Variants in TMEFF2 observed in about 807,000 individuals in gnomAD.
TMEFF2 encodes tomoregulin-2.
In TMEFF2, 28 loss-of-function variants were observed where a neutral mutation model predicts 53.8. The ratio of observed to expected loss-of-function variants is 0.52; its 90% CI spans 0.39 to 0.71. TMEFF2 has a LOEUF of 0.71. TMEFF2 is among the 30% of genes least tolerant of loss of function. The pLI is 0.00. For missense variants in TMEFF2, 353 were observed against 455.2 expected (o/e 0.78, Z 2.04); for synonymous variants, 162 against 166.3 (o/e 0.97, Z 0.20).
intron 7 of TMEFF2, among the ~76,000 whole-genome samples, chr2:191,978,853 C>T (rs1447729625): frequency 5.9e-5 from 9 of 152,056 alleles, no homozygotes; most frequent in Admixed American, 1.3e-4. Context: ...TGGTGAATTC[C>T]GTAGCCTCAA....
intron 7 of TMEFF2, among the ~76,000 whole-genome samples, chr2:191,984,462 A>G (rs1685929349): frequency 6.6e-6 from 1 of 152,120 alleles, no homozygotes; most frequent in South Asian, 2.1e-4. Context: ...AGAAAAGTTT[A>G]TGTTTCTATT....
At chr2:192,038,380 G>A (rs1687384340) in intron 5 of TMEFF2, among the ~76,000 whole-genome samples, 1 of 152,094 alleles carries the variant, frequency 6.6e-6, no homozygotes, top group Admixed American at 6.6e-5. Flanking sequence ...ATGAGTTAAG[G>A]AATGCAAAGT....
rs563083713 is a variant in TMEFF2, at chr2:192,061,296, A to G, written c.440-3521T>C. Reference sequence around the variant, plus strand: ...GACATTCAGTGAAATGAAGTCATCCATCAATATCTGCTGGTTCCCCATTCA... The same window carrying G: ...GACATTCAGTGAAATGAAGTCATCCGTCAATATCTGCTGGTTCCCCATTCA... On this transcript the variant is annotated intron_variant, in intron 4 of 9. Coordinates refer to ENST00000272771, the MANE Select transcript of TMEFF2 (RefSeq NM_016192.4). Among the ~76,000 whole-genome samples, 5 of 152,326 alleles carry G rather than the reference A, an allele frequency of 3.3e-5. No homozygotes were observed. The South Asian group carries it at 1.0e-3, about 32-fold the overall frequency.
At chr2:192,081,883 C>T (rs547684327) in intron 4 of TMEFF2, among the ~76,000 whole-genome samples, 2 of 149,136 alleles carry the variant, frequency 1.3e-5, no homozygotes, top group African/African-American at 5.0e-5. Context: ...CTCCTGCAAG[C>T]GCCACCTCCC....
At chr2:192,027,296 C>T (rs1686993546) in intron 5 of TMEFF2, among the ~76,000 whole-genome samples, 1 of 152,126 alleles carries the variant, frequency 6.6e-6, no homozygotes, top group Admixed American at 6.5e-5. Flanking sequence ...ATCAAAGTTC[C>T]ACTGCATCAT....
intron 4 of TMEFF2, among the ~76,000 whole-genome samples, chr2:192,144,968 TA>T (rs1690215382): frequency 6.6e-6 from 1 of 151,994 alleles, no homozygotes; most frequent in Admixed American, 6.6e-5. Flanking sequence ...GATTTTTGAG[TA>T]AACATTATTT....
intron 4 of TMEFF2, among the ~76,000 whole-genome samples, chr2:192,090,890 C>G (rs1422242556): frequency 6.6e-6 from 1 of 152,076 alleles, no homozygotes; most frequent in African/African-American, 2.4e-5. Flanking sequence ...ATTGCTCTGA[C>G]AAGAAGTTAT....
chr2:192,033,472 A>G (rs1031034352), intron 5 of TMEFF2, among the ~76,000 whole-genome samples: 2 of 151,962 alleles, frequency 1.3e-5, no homozygotes, highest in African/African-American at 4.8e-5. Flanking sequence ...TGATTTTAGC[A>G]GCTCAGCTCT....
At chr2:192,112,701 C>T (rs1008736025) in intron 4 of TMEFF2, among the ~76,000 whole-genome samples, 8 of 152,024 alleles carry the variant, frequency 5.3e-5, no homozygotes, top group Non-Finnish European at 7.4e-5. Flanking sequence ...ATGTCCTCAC[C>T]GAAATCTCAT....
intron 5 of TMEFF2, among the ~76,000 whole-genome samples, chr2:192,012,930 G>C (rs986249571): frequency 6.6e-6 from 1 of 152,072 alleles, no homozygotes; most frequent in African/African-American, 2.4e-5. Context: ...TCCACAATTA[G>C]GATACTAAGA....
At chr2:192,054,350 G>C (rs1356775474) in intron 5 of TMEFF2, among the ~76,000 whole-genome samples, 2 of 152,066 alleles carry the variant, frequency 1.3e-5, no homozygotes, top group Non-Finnish European at 2.9e-5. Context: ...TCCTGTTTCA[G>C]TTCTTGACGA....
intron 4 of TMEFF2, among the ~76,000 whole-genome samples, chr2:192,148,741 C>T (rs1472693350): frequency 6.6e-6 from 1 of 152,010 alleles, no homozygotes; most frequent in Non-Finnish European, 1.5e-5. Context: ...GTGCAGGTTA[C>T]ACAAAGCATC....
intron 5 of TMEFF2, chr2:192,035,986 T>C (rs1687282611): frequency 6.6e-6 from 1 of 152,206 alleles, no homozygotes. Context: ...CTCTCCCCCA[T>C]GAACTCGATG....
intron 4 of TMEFF2, among the ~76,000 whole-genome samples, chr2:192,167,581 C>T (rs1473790529): frequency 6.6e-6 from 1 of 152,090 alleles, no homozygotes; most frequent in Non-Finnish European, 1.5e-5. Context: ...CTTTTCTCTT[C>T]ACTAGTTTGT....
At chr2:192,076,238 C>T (rs937875547) in intron 4 of TMEFF2, among the ~76,000 whole-genome samples, 6 of 151,950 alleles carry the variant, frequency 3.9e-5, no homozygotes, top group Non-Finnish European at 8.8e-5. Flanking sequence ...ATCTATTGCT[C>T]TGTTATATTT....
At chr2:191,968,382 G>A (rs1692528262) in intron 7 of TMEFF2, among the ~76,000 whole-genome samples, 1 of 152,204 alleles carries the variant, frequency 6.6e-6, no homozygotes, top group African/African-American at 2.4e-5. Context: ...TTGTGTCACT[G>A]TGGCAACTGA....
intron 4 of TMEFF2, among the ~76,000 whole-genome samples, chr2:192,075,316 TATATATATATATATATAC>T (rs1688401795): frequency 8.3e-6 from 1 of 120,572 alleles, no homozygotes; most frequent in Non-Finnish European, 1.7e-5. Flanking sequence ...TATATATATA[TATATATATATATATATAC>T]ATACATACTA....
chr2:192,108,001 A>G (rs1002725211), intron 4 of TMEFF2, among the ~76,000 whole-genome samples: 3 of 151,768 alleles, frequency 2.0e-5, no homozygotes, highest in Non-Finnish European at 4.4e-5. Flanking sequence ...CATAATGACA[A>G]TGTGTTATAA....
intron 4 of TMEFF2, 83 bp from the exon 5 acceptor site, chr2:192,057,858 T>C: frequency 8.8e-7 from 1 of 1,135,334 alleles, no homozygotes. Flanking sequence ...TAATTAAAGC[T>C]GCTACTTTCC....
Sources: gnomAD v4.1 joint callset for allele counts (sites outside exome capture counted in the v4.1 genomes callset) on GRCh38, gnomAD v4.1.1 for gene constraint, MANE v1.5 for transcripts, NCBI Gene and HGNC (gene_info 2026-07-23, HGNC 2026-07-21) for gene names.